The following NECAB1 variants were observed in gnomAD, a reference collection of about 807,000 sequenced individuals.
The protein encoded by NECAB1 is N-terminal EF-hand calcium binding protein 1, also known as N-terminal EF-hand calcium-binding protein 1.
Under a neutral mutation model 57.5 loss-of-function variants are expected in NECAB1, and 29 were observed. That is an observed-to-expected ratio of 0.50 (90% CI 0.38 to 0.69). NECAB1 has a LOEUF of 0.69. Among genes scored for constraint, NECAB1 ranks in the 30% least tolerant of loss-of-function variants. The probability of loss-of-function intolerance (pLI) is 0.00; values close to 1 mark genes in which losing one functional copy is unlikely to be tolerated. For missense variants in NECAB1, 372 were observed against 413.8 expected (o/e 0.90, Z 0.88); for synonymous variants, 142 against 147.7 (o/e 0.96, Z 0.28).
At chr8:90,934,136 T>C (rs1337343854) in intron 8 of NECAB1, among the ~76,000 whole-genome samples, 168 bp from the exon 9 acceptor site, 1 of 152,178 alleles carries the variant, frequency 6.6e-6, no homozygotes, top group Non-Finnish European at 1.5e-5. Flanking sequence ...ACAAAGAGTC[T>C]TTATTGGAAC....
intron 3 of NECAB1, among the ~76,000 whole-genome samples, chr8:90,850,206 A>C (rs1191007797): frequency 1.3e-5 from 2 of 152,230 alleles, no homozygotes; most frequent in African/African-American, 4.8e-5. Flanking sequence ...GAGATAGGAA[A>C]AGACAATTAC....
intron 5 of NECAB1, among the ~76,000 whole-genome samples, chr8:90,886,355 A>C (rs1270675585): frequency 6.6e-6 from 1 of 151,964 alleles, no homozygotes; most frequent in Non-Finnish European, 1.5e-5. Context: ...CAGGTTTACT[A>C]TCTGCTAAAT....
chr8:90,949,276 C>G (rs1810879193), intron 10 of NECAB1, among the ~76,000 whole-genome samples: 2 of 151,320 alleles, frequency 1.3e-5, no homozygotes, highest in South Asian at 2.1e-4. Flanking sequence ...TATTGGCAAA[C>G]TAGGAGTCAG....
At chr8:90,937,266 G>A (rs1264456367) in intron 9 of NECAB1, among the ~76,000 whole-genome samples, 1 of 152,036 alleles carries the variant, frequency 6.6e-6, no homozygotes, top group African/African-American at 2.4e-5. Context: ...CTGGAGATAG[G>A]GTCTGGAAAT....
intron 6 of NECAB1, 42 bp downstream of exon 6, chr8:90,917,670 A>G (rs773444487): frequency 6.5e-7 from 1 of 1,530,706 alleles, no homozygotes; most frequent in Non-Finnish European, 8.8e-7. Context: ...TAGTGACTCT[A>G]TGTTCATGAA....
intron 2 of NECAB1, among the ~76,000 whole-genome samples, chr8:90,817,704 G>C (rs535719523): frequency 1.3e-5 from 2 of 151,694 alleles, no homozygotes; most frequent in Admixed American, 1.3e-4. Flanking sequence ...TGTTGGATTT[G>C]ATTTGCTAAT....
intron 3 of NECAB1, among the ~76,000 whole-genome samples, chr8:90,848,002 G>T (rs993069767): frequency 2.0e-5 from 3 of 152,174 alleles, no homozygotes; most frequent in Non-Finnish European, 4.4e-5. Flanking sequence ...GCAAATTTCT[G>T]TAGCAGGCTT....
intron 5 of NECAB1, among the ~76,000 whole-genome samples, chr8:90,886,493 TA>T (rs1488926746): frequency 2.6e-5 from 4 of 152,166 alleles, no homozygotes; most frequent in African/African-American, 9.6e-5. Flanking sequence ...TTTGAAAATG[TA>T]AAAGTGCAGG....
chr8:90,954,485 G>C (rs1218082903), intron 12 of NECAB1, among the ~76,000 whole-genome samples: 1 of 151,694 alleles, frequency 6.6e-6, no homozygotes. Flanking sequence ...AAAAACCTAC[G>C]GTTATGGGAA....
At chr8:90,917,923 CACAT>C (rs1459402177) in intron 6 of NECAB1, among the ~76,000 whole-genome samples, 2 of 95,322 alleles carry the variant, frequency 2.1e-5, no homozygotes, top group East Asian at 4.7e-4. Context: ...TACACACACA[CACAT>C]ATATGTGTAT....
In NECAB1 at chr8:90,934,291, C is replaced by A. The variant is rs1168755977; in HGVS notation, c.694-13C>A. The A allele has an allele frequency of 1.3e-6, 2 of 1,502,726 alleles. No homozygotes were observed. The highest frequency in any genetic ancestry group is 2.8e-5 in the African/African-American group (2 of 70,606). The allele number at this position is 1,502,726 out of a possible 1,614,324, so 93.1% of individuals were successfully genotyped here. On this transcript the variant is annotated splice_polypyrimidine_tract_variant and intron_variant, in intron 8 of 12. Coordinates refer to ENST00000417640, the MANE Select transcript of NECAB1 (RefSeq NM_022351.5). The stretch of plus-strand genomic sequence containing the variant: ...TTTTTTTTCTTTTCTGCCATTTCTT[C>A]CTCTTATTGAAGGATCTCAAACTCG...
intron 6 of NECAB1, among the ~76,000 whole-genome samples, chr8:90,921,404 C>T (rs1810107296): frequency 1.3e-5 from 2 of 151,792 alleles, no homozygotes; most frequent in South Asian, 4.2e-4. Context: ...CATGGTGGCT[C>T]ACACCTGTGA....
At chr8:90,793,963 G>A (rs1461835001) in intron 1 of NECAB1, among the ~76,000 whole-genome samples, 1 of 152,168 alleles carries the variant, frequency 6.6e-6, no homozygotes, top group East Asian at 1.9e-4. Context: ...ATAGCATCAG[G>A]TCCCTGTACT....
intron 6 of NECAB1, among the ~76,000 whole-genome samples, chr8:90,922,579 G>A (rs6471263): frequency 0.11 from 15,668 of 138,550 alleles, 956 homozygotes; most frequent in African/African-American, 0.19. Context: ...TGCAACCTCC[G>A]CCTCCCGGGT....
chr8:90,936,081 C>A (rs930503813), intron 9 of NECAB1, among the ~76,000 whole-genome samples: 2 of 151,976 alleles, frequency 1.3e-5, no homozygotes, highest in Non-Finnish European at 2.9e-5. Context: ...GTAGTAAGTG[C>A]ATTACTATAA....
chr8:90,911,750 T>C (rs745561838), intron 5 of NECAB1, among the ~76,000 whole-genome samples: 4 of 152,120 alleles, frequency 2.6e-5, no homozygotes, highest in Non-Finnish European at 5.9e-5. Flanking sequence ...TGAGGTGAAG[T>C]ATTATCACAG....
rs1280966051 is a variant in NECAB1, at chr8:90,908,582, A to G, written c.358-8910A>G. 4.6e-5 allele frequency among the ~76,000 whole-genome samples: 7 copies of G among 152,178 alleles called. No individual in the cohort carries two copies. In the South Asian group the frequency reaches 1.0e-3, roughly 23 times the overall value. Reference sequence around the variant, plus strand: ...CTGTCTACTCCACAGCTCCTCAAACATATGAATATAGTATATTTCTACTAG... The same window carrying G: ...CTGTCTACTCCACAGCTCCTCAAACGTATGAATATAGTATATTTCTACTAG... On this transcript the variant is annotated intron_variant, in intron 5 of 12. Coordinates refer to ENST00000417640, the MANE Select transcript of NECAB1 (RefSeq NM_022351.5).
At chr8:90,904,031 G>T (rs573677466) in intron 5 of NECAB1, 2 of 152,250 alleles carry the variant, frequency 1.3e-5, no homozygotes, top group South Asian at 2.1e-4. Flanking sequence ...ATAAACAAAG[G>T]GGGAAAGAAG....
intron 3 of NECAB1, among the ~76,000 whole-genome samples, chr8:90,835,032 G>A (rs1812349086): frequency 1.4e-5 from 2 of 144,896 alleles, no homozygotes; most frequent in African/African-American, 5.2e-5. Context: ...TTCTTTATTA[G>A]TTTAAAATTT....
Sources: allele counts gnomAD v4.1 joint callset (sites outside exome capture counted in the v4.1 genomes callset), GRCh38; gene constraint gnomAD v4.1.1; transcripts MANE v1.5; gene names NCBI Gene and HGNC (gene_info 2026-07-23, HGNC 2026-07-21).